TMCC1: variants seen among roughly 807,000 people sequenced by gnomAD.
The protein encoded by TMCC1 is transmembrane and coiled-coil domain family 1, also known as transmembrane and coiled-coil domains protein 1.
Under a neutral mutation model 52.4 loss-of-function variants are expected in TMCC1, and 15 were observed. The ratio of observed to expected loss-of-function variants is 0.29; its 90% CI spans 0.19 to 0.44. The LOEUF is 0.44. TMCC1 is among the 20% of genes least tolerant of loss of function. TMCC1 has a pLI of 1.00. For synonymous variants in TMCC1, 279 were observed against 301.9 expected, an observed-to-expected ratio of 0.92 and a Z score of 0.79; for missense variants, 503 against 806.0, an observed-to-expected ratio of 0.62 and a Z score of 4.55.
intron 4 of TMCC1, among the ~76,000 whole-genome samples, chr3:129,760,434 GTTTTTGAGACAGTCTCGCTC>G (rs1576724447): frequency 1.6e-5 from 2 of 122,950 alleles, no homozygotes; most frequent in East Asian, 5.1e-4. Flanking sequence ...GTGTGTGTGT[GTTTTTGAGACAGTCTCGCTC>G]TGTGTGTGTG....
chr3:129,819,857 G>A (rs2058322862), intron 4 of TMCC1: 1 of 151,936 alleles, frequency 6.6e-6, no homozygotes, highest in African/African-American at 2.4e-5. Context: ...ACAAAAACTC[G>A]TGAAACACTC....
intron 4 of TMCC1, among the ~76,000 whole-genome samples, chr3:129,699,913 C>A (rs1576492996): frequency 6.6e-6 from 1 of 152,078 alleles, no homozygotes; most frequent in African/African-American, 2.4e-5. Context: ...GAAATCCTGT[C>A]CCTAAAACAA....
chr3:129,814,242 GTTTTAA>G (rs2057986469), intron 4 of TMCC1, among the ~76,000 whole-genome samples: 1 of 152,254 alleles, frequency 6.6e-6, no homozygotes, highest in African/African-American at 2.4e-5. Context: ...TTCCTGCAGT[GTTTTAA>G]TTTTAAGTAT....
intron 5 of TMCC1, among the ~76,000 whole-genome samples, chr3:129,660,861 C>T (rs1240814983): frequency 6.6e-6 from 1 of 152,158 alleles, no homozygotes; most frequent in Non-Finnish European, 1.5e-5. Flanking sequence ...GCACTGCAGC[C>T]TCAAACTCCT....
At chr3:129,796,436 C>T (rs2056826834) in intron 4 of TMCC1, among the ~76,000 whole-genome samples, 1 of 152,164 alleles carries the variant, frequency 6.6e-6, no homozygotes, top group African/African-American at 2.4e-5. Context: ...TTCAGGCATC[C>T]ACTGGGGGTC....
intron 2 of TMCC1, among the ~76,000 whole-genome samples, chr3:129,840,326 C>CAAAA (rs368685429): frequency 0.074 from 6,514 of 87,820 alleles, 1,282 homozygotes; most frequent in African/African-American, 0.26. Flanking sequence ...GAACCTGTCT[C>CAAAA]AAAAAAAAAA....
intron 4 of TMCC1, among the ~76,000 whole-genome samples, chr3:129,699,687 G>A (rs942234869): frequency 2.0e-5 from 3 of 152,138 alleles, no homozygotes; most frequent in Admixed American, 6.6e-5. Context: ...CCCTTTCCTG[G>A]GTAACCAGAG....
chr3:129,687,042 CG>C (rs2089456945), intron 4 of TMCC1, among the ~76,000 whole-genome samples: 1 of 152,024 alleles, frequency 6.6e-6, no homozygotes, highest in South Asian at 2.1e-4. Flanking sequence ...AAAAGGCTTA[CG>C]GAAGGAACAG....
intron 4 of TMCC1, among the ~76,000 whole-genome samples, chr3:129,708,436 G>A (rs1381160593): frequency 6.6e-6 from 1 of 152,148 alleles, no homozygotes; most frequent in African/African-American, 2.4e-5. Context: ...CTAGTTGCAT[G>A]TAGTTTGCAT....
At chr3:129,876,134 CAAAA>C (rs374132880) in intron 2 of TMCC1, among the ~76,000 whole-genome samples, 3 of 77,416 alleles carry the variant, frequency 3.9e-5, no homozygotes, top group South Asian at 3.9e-4. Context: ...GATTTCATCT[CAAAA>C]AAAAAAAAAA....
intron 4 of TMCC1, among the ~76,000 whole-genome samples, chr3:129,825,773 C>T (rs968857595): frequency 5.9e-5 from 9 of 152,036 alleles, no homozygotes; most frequent in African/African-American, 2.2e-4. Flanking sequence ...CAGAGGCCAC[C>T]GGTTGGGTAA....
intron 4 of TMCC1, among the ~76,000 whole-genome samples, chr3:129,723,151 G>T (rs2049767404): frequency 6.6e-6 from 1 of 152,116 alleles, no homozygotes; most frequent in Non-Finnish European, 1.5e-5. Flanking sequence ...TTGTACTCAG[G>T]ACTATGGATG....
At chr3:129,773,482 G>C (rs939110167) in intron 4 of TMCC1, among the ~76,000 whole-genome samples, 5 of 152,110 alleles carry the variant, frequency 3.3e-5, no homozygotes, top group African/African-American at 9.7e-5. Flanking sequence ...TTGTTTTGTA[G>C]ATTTGAATTT....
chr3:129,813,816 G>A (rs1426749299), intron 4 of TMCC1, among the ~76,000 whole-genome samples: 1 of 150,830 alleles, frequency 6.6e-6, no homozygotes, highest in African/African-American at 2.4e-5. Flanking sequence ...AAAAAAAAAA[G>A]ATGAAGCTAT....
At chr3:129,816,760 A>G (rs2058116643) in intron 4 of TMCC1, among the ~76,000 whole-genome samples, 1 of 152,318 alleles carries the variant, frequency 6.6e-6, no homozygotes, top group South Asian at 2.1e-4. Context: ...ATAATGGCTC[A>G]TGCTTGTAAT....
At chr3:129,799,902 C>T (rs1249376999) in intron 4 of TMCC1, among the ~76,000 whole-genome samples, 1 of 152,070 alleles carries the variant, frequency 6.6e-6, no homozygotes, top group African/African-American at 2.4e-5. Flanking sequence ...TATGTATGCA[C>T]ATAAACACAT....
chr3:129,822,058 G>A (rs1235140358), intron 4 of TMCC1, among the ~76,000 whole-genome samples: 2 of 151,994 alleles, frequency 1.3e-5, no homozygotes, highest in Non-Finnish European at 2.9e-5. Flanking sequence ...GTGAGACCCT[G>A]TCTCAAATAT....
intron 5 of TMCC1, among the ~76,000 whole-genome samples, chr3:129,657,313 G>C (rs2086727700): frequency 6.6e-6 from 1 of 152,148 alleles, no homozygotes; most frequent in Non-Finnish European, 1.5e-5. Context: ...CATACCAGTA[G>C]AACAGATTAA....
In TMCC1 at chr3:129,827,854, A is replaced by C; in HGVS notation, c.525T>G (p.Ala175=). Residue 175 remains alanine, a synonymous_variant, in exon 4 of 7, where the codon GCT becomes GCG. Coordinates refer to ENST00000393238, the MANE Select transcript of TMCC1 (RefSeq NM_001017395.5). Reference sequence around the variant, plus strand: ...GTAGACATGCAGCAGCAGCAGCAGCAGCAGCACAAGCTATTTCCATCATAG... The same window carrying C: ...GTAGACATGCAGCAGCAGCAGCAGCCGCAGCACAAGCTATTTCCATCATAG... The part of the protein sequence containing the change: ...SSAMMEIACA[A]AAAAAACLPG... 1.9e-6 allele frequency: 3 copies of C among 1,614,078 alleles called. No individual in the cohort carries two copies.
Sources: gnomAD v4.1 joint callset for allele counts (sites outside exome capture counted in the v4.1 genomes callset) on GRCh38, gnomAD v4.1.1 for gene constraint, MANE v1.5 for transcripts, NCBI Gene and HGNC (gene_info 2026-07-23, HGNC 2026-07-21) for gene names.